Variants in PDXDC1 observed in about 807,000 individuals in gnomAD.
PDXDC1 encodes pyridoxal dependent decarboxylase domain containing 1.
A neutral mutation model predicts 100.1 loss-of-function variants in PDXDC1; 42 were observed. The ratio of observed to expected loss-of-function variants is 0.42; its 90% CI spans 0.33 to 0.54. The LOEUF is 0.54. PDXDC1 is among the 20% of genes least tolerant of loss of function. The pLI, the probability that PDXDC1 is intolerant of heterozygous loss-of-function variation, is 0.10. For synonymous variants in PDXDC1, 260 were observed against 371.7 expected (o/e 0.70, Z 3.46); for missense variants, 636 against 979.2 (o/e 0.65, Z 4.68).
At chr16:15,143,891 A>C (rs1366406026), downstream of PDXDC1, among the ~76,000 whole-genome samples, 1 of 152,176 alleles carries the variant, frequency 6.6e-6, no homozygotes, top group African/African-American at 2.4e-5. Context: ...ACATCTGCAC[A>C]TTCCAGACGC....
chr16:15,131,525 C>A (rs878964231), intron 16 of PDXDC1: 1 of 1,607,560 alleles, frequency 6.2e-7, no homozygotes, highest in Non-Finnish European at 8.5e-7. Flanking sequence ...CCCTGGGCCA[C>A]GATCTCCTCG....
chr16:15,027,339 T>C (rs1158874920), intron 14 of PDXDC1, among the ~76,000 whole-genome samples: 8 of 152,290 alleles, frequency 5.3e-5, no homozygotes, highest in African/African-American at 1.7e-4. Flanking sequence ...TCCGACCCCA[T>C]GGCAGCATCT....
intron 1 of PDXDC1, chr16:14,990,250 GC>G: frequency 4.3e-6 from 3 of 694,200 alleles, no homozygotes; most frequent in Non-Finnish European, 5.3e-6. Flanking sequence ...TCACTGCCCG[GC>G]CCAGACCGCG....
chr16:15,070,490 C>T (rs576837013), intron 16 of PDXDC1, among the ~76,000 whole-genome samples: 1 of 151,920 alleles, frequency 6.6e-6, no homozygotes, highest in Non-Finnish European at 1.5e-5. Context: ...ACAGGTGAGC[C>T]CCTAAGAACG....
At chr16:15,093,842 A>C in intron 16 of PDXDC1, 12 of 433,712 alleles carry the variant, frequency 2.8e-5, no homozygotes, top group Non-Finnish European at 4.9e-5. Context: ...ATTTGGACGA[A>C]GAAGAGGGAA....
At chr16:15,117,460 T>C (rs1168938150) in intron 16 of PDXDC1, among the ~76,000 whole-genome samples, 1 of 149,452 alleles carries the variant, frequency 6.7e-6, no homozygotes, top group East Asian at 2.0e-4. Flanking sequence ...AGATGGAGAC[T>C]ATCCTGGCGA....
intron 16 of PDXDC1, chr16:15,125,646 G>A (rs764682751): frequency 5.6e-5 from 69 of 1,241,706 alleles, no homozygotes; most frequent in Admixed American, 1.2e-4. Flanking sequence ...GCGCCAAGGC[G>A]GCAGGACCCC....
intron 16 of PDXDC1, among the ~76,000 whole-genome samples, chr16:15,100,646 T>TA (rs1209191207): frequency 6.6e-6 from 1 of 152,156 alleles, no homozygotes; most frequent in Non-Finnish European, 1.5e-5. Flanking sequence ...TTGCCAAATG[T>TA]CCCTGGGGTA....
chr16:15,046,462 C>T (rs1467182413), intron 16 of PDXDC1, among the ~76,000 whole-genome samples: 1 of 152,100 alleles, frequency 6.6e-6, no homozygotes, highest in East Asian at 1.9e-4. Context: ...TGTGCTCCAG[C>T]ACATCGAGCC....
At chr16:15,092,510 T>G (rs2046174365) in intron 16 of PDXDC1, 2 of 1,602,992 alleles carry the variant, frequency 1.2e-6, no homozygotes, top group Non-Finnish European at 1.7e-6. Context: ...TCCCCTTACC[T>G]TTTTGTACTT....
chr16:15,103,416 C>T, intron 16 of PDXDC1: 1 of 624,286 alleles, frequency 1.6e-6, no homozygotes, highest in East Asian at 2.7e-5. Context: ...CCTGGCATAG[C>T]CAGATGACTT....
intron 16 of PDXDC1, chr16:15,063,409 T>C: frequency 1.3e-6 from 1 of 773,238 alleles, no homozygotes; most frequent in Non-Finnish European, 2.3e-6. Context: ...CTTAAATAAT[T>C]ACATTTAAAA....
intron 16 of PDXDC1, among the ~76,000 whole-genome samples, chr16:15,075,292 C>T (rs1204947918): frequency 6.6e-6 from 1 of 150,602 alleles, no homozygotes; most frequent in Non-Finnish European, 1.5e-5. Context: ...AAGAAATGGA[C>T]CACGCACAGT....
At chr16:15,024,171 A>G (rs1421058340) in intron 13 of PDXDC1, among the ~76,000 whole-genome samples, 1 of 152,260 alleles carries the variant, frequency 6.6e-6, no homozygotes, top group Non-Finnish European at 1.5e-5. Context: ...CCTTCTTCCA[A>G]TGGCTGTTTT....
chr16:15,099,419 CAAAA>C (rs768689960), intron 16 of PDXDC1, among the ~76,000 whole-genome samples: 9 of 40,936 alleles, frequency 2.2e-4, no homozygotes, highest in African/African-American at 6.9e-4. Flanking sequence ...GACTTGGTCT[CAAAA>C]AAAAAAAAAA....
At chr16:15,089,416 G>C (rs1239058666) in intron 16 of PDXDC1, among the ~76,000 whole-genome samples, 1 of 152,142 alleles carries the variant, frequency 6.6e-6, no homozygotes, top group Non-Finnish European at 1.5e-5. Context: ...AGATCACACA[G>C]AAGAATCAAC....
rs4012886 is a variant in PDXDC1, at chr16:15,124,295, A to G, written c.1400-14584A>G. On this transcript the variant is annotated intron_variant, in intron 16 of 16. Transcript: ENST00000535621. Reference sequence around the variant, plus strand: ...TAAACTTCCCACAGGCCTTCTGCCCAATCACACAGAGTGTGCCCAAACTCT... The same window carrying G: ...TAAACTTCCCACAGGCCTTCTGCCCGATCACACAGAGTGTGCCCAAACTCT... Among the ~76,000 whole-genome samples the G allele has an allele frequency of 4.9e-3, 728 of 147,266 alleles. 4 individuals are homozygous for G. Among genetic ancestry groups the G allele is most frequent in the East Asian group, 8.1e-3 (40 of 4,926 alleles).
At position 15,031,926 on chromosome 16, in the gene PDXDC1, C is replaced by T; in HGVS notation, c.1571+20C>T. ...TGTCAGGTAAAGTCTTGGCCTGCCG[C>T]TTGATGTTGGAGACTTTTCTGTATA... is the stretch of plus-strand genomic sequence containing the variant. On this transcript the variant is annotated intron_variant, in intron 17 of 22. Transcript: ENST00000396410. The T allele has an allele frequency of 6.4e-7, 1 of 1,572,052 alleles. No individual in the cohort carries two copies. Among genetic ancestry groups the T allele is most frequent in the Non-Finnish European group, 8.7e-7 (1 of 1,153,902 alleles).
chr16:15,109,693 A>T (rs1370393492), intron 16 of PDXDC1, among the ~76,000 whole-genome samples: 8 of 111,264 alleles, frequency 7.2e-5, no homozygotes, highest in Non-Finnish European at 1.5e-4. Context: ...AAAAAAAAAA[A>T]AAAAAAAAAT....
Sources: allele counts gnomAD v4.1 joint callset (sites outside exome capture counted in the v4.1 genomes callset), GRCh38; gene constraint gnomAD v4.1.1; transcripts MANE v1.5; gene names NCBI Gene and HGNC (gene_info 2026-07-23, HGNC 2026-07-21).